The following SEMA6D variants were observed in gnomAD, a reference collection of about 807,000 sequenced individuals.
The protein encoded by SEMA6D is semaphorin 6D.
Under a neutral mutation model 106.6 loss-of-function variants are expected in SEMA6D, and 35 were observed. The observed-to-expected ratio is 0.33, with a 90% CI of 0.25 to 0.44. SEMA6D has a LOEUF of 0.44. SEMA6D is among the 20% of genes least tolerant of loss of function. SEMA6D has a pLI of 1.00. For missense variants in SEMA6D, 1,185 were observed against 1,345.9 expected, an observed-to-expected ratio of 0.88 and a Z score of 1.87; for synonymous variants, 499 against 487.7, an observed-to-expected ratio of 1.02 and a Z score of -0.31.
intron 4 of SEMA6D, among the ~76,000 whole-genome samples, chr15:47,659,997 G>A (rs2077884763): frequency 6.6e-6 from 1 of 151,680 alleles, no homozygotes; most frequent in African/African-American, 2.4e-5. Flanking sequence ...TGTCAATCTT[G>A]CTATAACCAA....
chr15:47,403,129 T>C (rs2040452012), intron 1 of SEMA6D, among the ~76,000 whole-genome samples: 1 of 152,170 alleles, frequency 6.6e-6, no homozygotes. Flanking sequence ...ATTTAATGAG[T>C]AGGAAGTGAC....
chr15:47,409,818 A>G (rs1171814095), intron 1 of SEMA6D, among the ~76,000 whole-genome samples: 1 of 149,632 alleles, frequency 6.7e-6, no homozygotes, highest in East Asian at 2.0e-4. Flanking sequence ...AGCCCTGGAC[A>G]TGCTGGGAGT....
intron 3 of SEMA6D, among the ~76,000 whole-genome samples, chr15:47,513,386 T>A (rs911975379): frequency 3.3e-5 from 5 of 152,154 alleles, no homozygotes; most frequent in African/African-American, 1.2e-4. Flanking sequence ...ACAGTACTAA[T>A]CTCTATTCCA....
In SEMA6D at chr15:47,286,625, A is replaced by T. The variant is rs532256642; in HGVS notation, c.-239+102207A>T. The stretch of plus-strand genomic sequence containing the variant: ...CCTCTTCATTTTAATCTACTGCAAT[A>T]TGTTGTGTTATGTGAAGTACATAAA... On this transcript the variant is annotated intron_variant, in intron 1 of 19. Coordinates refer to the SEMA6D transcript ENST00000558014. 3.9e-5 allele frequency among the ~76,000 whole-genome samples: 6 copies of T among 152,188 alleles called. No individual in the cohort carries two copies. The East Asian group carries it at 1.2e-3, about 29-fold the overall frequency.
At chr15:47,263,789 A>T (rs1245314794) in intron 1 of SEMA6D, among the ~76,000 whole-genome samples, 2 of 151,802 alleles carry the variant, frequency 1.3e-5, no homozygotes, top group East Asian at 3.9e-4. Context: ...TGCATGACAT[A>T]TTCTTTATCC....
At chr15:47,251,023 A>G (rs776663011) in intron 1 of SEMA6D, among the ~76,000 whole-genome samples, 2 of 152,272 alleles carry the variant, frequency 1.3e-5, no homozygotes, top group African/African-American at 4.8e-5. Context: ...GAAGTATCAG[A>G]TCAAAGCTAC....
chr15:47,464,539 C>T (rs1173661404), intron 2 of SEMA6D, among the ~76,000 whole-genome samples: 1 of 152,036 alleles, frequency 6.6e-6, no homozygotes, highest in Non-Finnish European at 1.5e-5. Flanking sequence ...CACATCTGGG[C>T]CTGGCTTTTG....
intron 2 of SEMA6D, among the ~76,000 whole-genome samples, chr15:47,443,445 C>G (rs1056490758): frequency 2.6e-5 from 4 of 152,026 alleles, no homozygotes; most frequent in Non-Finnish European, 5.9e-5. Flanking sequence ...ATGGCATGAC[C>G]ATATAGAGGT....
At chr15:47,576,817 A>G (rs543279720) in intron 3 of SEMA6D, among the ~76,000 whole-genome samples, 1 of 152,270 alleles carries the variant, frequency 6.6e-6, no homozygotes, top group African/African-American at 2.4e-5. Context: ...TTCATTGCTT[A>G]TCTATCCAGA....
At position 47,425,735 on chromosome 15, in the gene SEMA6D, A is replaced by AT. The variant is rs1048896864; in HGVS notation, c.-159+13264dup. 7.8e-4 allele frequency among the ~76,000 whole-genome samples: 117 copies of AT among 149,730 alleles called. 2 individuals are homozygous for AT. The highest frequency in any genetic ancestry group is 1.0e-4 in the Non-Finnish European group (7 of 67,690). On this transcript the variant is annotated intron_variant, in intron 2 of 19. Transcript: ENST00000558014. The stretch of plus-strand genomic sequence containing the variant: ...ACCCGGGCTGGAGTGCGGTGGCATG[A>AT]TATCAGCTCACTGCAACCTCCGCCT...
chr15:47,466,977 C>A (rs999554087), intron 2 of SEMA6D, among the ~76,000 whole-genome samples: 2 of 151,606 alleles, frequency 1.3e-5, no homozygotes, highest in Non-Finnish European at 2.9e-5. Context: ...GATCTACCGA[C>A]CTTGGCCTGC....
chr15:47,222,114 T>G (rs2031258579), intron 1 of SEMA6D, among the ~76,000 whole-genome samples: 1 of 152,180 alleles, frequency 6.6e-6, no homozygotes, highest in African/African-American at 2.4e-5. Flanking sequence ...AGGCCATGAC[T>G]GATAAAACAC....
At chr15:47,193,034 T>C (rs1043861479) in intron 1 of SEMA6D, among the ~76,000 whole-genome samples, 1 of 152,154 alleles carries the variant, frequency 6.6e-6, no homozygotes, top group African/African-American at 2.4e-5. Flanking sequence ...GCCTGGATCA[T>C]TGCCTTATCT....
intron 3 of SEMA6D, among the ~76,000 whole-genome samples, chr15:47,593,098 C>T (rs994673740): frequency 6.6e-6 from 1 of 152,200 alleles, no homozygotes; most frequent in African/African-American, 2.4e-5. Context: ...TACTTTTTGT[C>T]TCATGATTAG....
intron 4 of SEMA6D, among the ~76,000 whole-genome samples, chr15:47,624,381 C>T (rs546284183): frequency 3.3e-5 from 5 of 152,280 alleles, no homozygotes; most frequent in Non-Finnish European, 7.4e-5. Flanking sequence ...ATGGTGTTGA[C>T]CTGAGAAGCT....
intron 1 of SEMA6D, among the ~76,000 whole-genome samples, chr15:47,722,451 C>T (rs1479127704): frequency 6.6e-6 from 1 of 152,142 alleles, no homozygotes; most frequent in Non-Finnish European, 1.5e-5. Context: ...CCGAAACTTT[C>T]TGTCGCTTTT....
At chr15:47,535,266 C>T (rs2045122332) in intron 3 of SEMA6D, among the ~76,000 whole-genome samples, 1 of 152,128 alleles carries the variant, frequency 6.6e-6, no homozygotes, top group South Asian at 2.1e-4. Flanking sequence ...ACATGTGTTA[C>T]TTGTTAAATT....
At chr15:47,218,566 T>C (rs1441293078) in intron 1 of SEMA6D, among the ~76,000 whole-genome samples, 4 of 152,234 alleles carry the variant, frequency 2.6e-5, no homozygotes, top group Non-Finnish European at 4.4e-5. Flanking sequence ...CCATTTTGCC[T>C]ATTATCTACA....
chr15:47,404,574 A>C (rs369274593), intron 1 of SEMA6D, among the ~76,000 whole-genome samples: 37 of 152,280 alleles, frequency 2.4e-4, no homozygotes, highest in African/African-American at 8.4e-4. Context: ...ACATTGTATC[A>C]GAGGGGTGCC....
Sources: gnomAD v4.1 joint callset for allele counts (sites outside exome capture counted in the v4.1 genomes callset) on GRCh38, gnomAD v4.1.1 for gene constraint, MANE v1.5 for transcripts, NCBI Gene and HGNC (gene_info 2026-07-23, HGNC 2026-07-21) for gene names.